GALNT14: variants seen among roughly 807,000 people sequenced by gnomAD.
GALNT14 encodes UDP-GalNAc:polypeptide N-acetylgalactosaminyltransferase 14.
GALNT14 carries 60 observed loss-of-function variants against 77.5 expected under a neutral mutation model. That is an observed-to-expected ratio of 0.77 (90% CI 0.63 to 0.96). The LOEUF (loss-of-function observed/expected upper bound fraction) is 0.96. GALNT14 is among the 40% of genes least tolerant of loss of function. The pLI is 0.00. For missense variants in GALNT14, 710 were observed against 731.0 expected, an observed-to-expected ratio of 0.97 and a Z score of 0.33; for synonymous variants, 280 against 281.7, an observed-to-expected ratio of 0.99 and a Z score of 0.06.
At chr2:30,902,615 C>T in the GALNT14 span, among the ~76,000 whole-genome samples, 5 of 152,136 alleles carry the variant, frequency 3.3e-5, no homozygotes, top group Admixed American at 3.3e-4. Context: ...TTGAGAAACA[C>T]CCAACACCAC....
At chr2:30,960,739 C>T (rs1292003829) in intron 3 of GALNT14, among the ~76,000 whole-genome samples, 1 of 152,248 alleles carries the variant, frequency 6.6e-6, no homozygotes, top group Admixed American at 6.5e-5. Flanking sequence ...CACCCACTCT[C>T]ATTCCCTCCA....
intron 1 of GALNT14, among the ~76,000 whole-genome samples, chr2:31,044,453 G>C (rs1025976594): frequency 1.3e-5 from 2 of 152,140 alleles, no homozygotes; most frequent in Non-Finnish European, 2.9e-5. Flanking sequence ...AGTGTCCTCT[G>C]TGCCTAGGAT....
At chr2:30,923,139 T>C (rs2148227871) in intron 13 of GALNT14, among the ~76,000 whole-genome samples, 1 of 146,116 alleles carries the variant, frequency 6.8e-6, no homozygotes, top group South Asian at 2.3e-4. Flanking sequence ...CTCGGCTCAC[T>C]GCAACCTCCG....
At chr2:30,918,482 G>A (rs1239976782) in intron 13 of GALNT14, among the ~76,000 whole-genome samples, 2 of 152,204 alleles carry the variant, frequency 1.3e-5, no homozygotes, top group African/African-American at 2.4e-5. Context: ...CTGTGTTCAC[G>A]ATGGTGACCA....
intron 9 of GALNT14, among the ~76,000 whole-genome samples, chr2:30,939,757 G>C (rs1666266556): frequency 6.6e-6 from 1 of 152,008 alleles, no homozygotes; most frequent in African/African-American, 2.4e-5. Context: ...TGGTGGGTAG[G>C]AGGCCCTTCC....
At chr2:30,895,187 A>T in the GALNT14 span, among the ~76,000 whole-genome samples, 12 of 152,164 alleles carry the variant, frequency 7.9e-5, no homozygotes, top group Non-Finnish European at 1.8e-4. Flanking sequence ...TTCAGGTTCA[A>T]TTTGACAAGC....
intron 12 of GALNT14, 95 bp downstream of exon 12, chr2:30,924,645 C>G: frequency 1.0e-6 from 1 of 997,080 alleles, no homozygotes; most frequent in East Asian, 2.5e-5. Context: ...TAAAAGCCCT[C>G]ATCCAGTTGG....
intron 1 of GALNT14, among the ~76,000 whole-genome samples, 173 bp downstream of exon 1, chr2:31,137,785 C>A (rs971111043): frequency 6.6e-6 from 1 of 152,162 alleles, no homozygotes; most frequent in Non-Finnish European, 1.5e-5. Context: ...GAGATGCCCC[C>A]GAGCGTTTTA....
intron 1 of GALNT14, among the ~76,000 whole-genome samples, chr2:31,092,042 C>T (rs1166390040): frequency 2.0e-5 from 3 of 152,128 alleles, no homozygotes; most frequent in African/African-American, 4.8e-5. Flanking sequence ...CCTCAAACAT[C>T]AGACTCTAAG....
At chr2:30,995,669 G>A (rs555614851) in intron 1 of GALNT14, among the ~76,000 whole-genome samples, 33 of 152,006 alleles carry the variant, frequency 2.2e-4, no homozygotes, top group Admixed American at 1.6e-3. Flanking sequence ...ATTTTTTTAC[G>A]TTTTATTTTT....
At chr2:30,906,916 C>T (rs1664159434), downstream of GALNT14, among the ~76,000 whole-genome samples, 1 of 152,170 alleles carries the variant, frequency 6.6e-6, no homozygotes, top group African/African-American at 2.4e-5. Context: ...CACTCAAAAC[C>T]ACGCAACTAC....
chr2:31,059,418 G>T (rs1415278702), intron 1 of GALNT14, among the ~76,000 whole-genome samples: 1 of 152,132 alleles, frequency 6.6e-6, no homozygotes, highest in African/African-American at 2.4e-5. Context: ...TGAACACTAT[G>T]ATCTGAACAT....
chr2:31,129,534 C>T (rs760326787), intron 1 of GALNT14: 14 of 985,248 alleles, frequency 1.4e-5, no homozygotes, highest in Non-Finnish European at 1.7e-5. Flanking sequence ...TATCTGGGTG[C>T]CTTAATTAAT....
intron 1 of GALNT14, among the ~76,000 whole-genome samples, chr2:31,031,456 C>T (rs1376171917): frequency 6.6e-6 from 1 of 152,142 alleles, no homozygotes; most frequent in Non-Finnish European, 1.5e-5. Flanking sequence ...TATCTAGGCT[C>T]ACTAAGATGA....
intron 1 of GALNT14, among the ~76,000 whole-genome samples, chr2:31,040,777 G>A (rs886979670): frequency 2.0e-5 from 3 of 152,162 alleles, no homozygotes; most frequent in Non-Finnish European, 4.4e-5. Context: ...GTGGAAGCTT[G>A]GCACTGACTA....
chr2:31,094,117 T>G lies in GALNT14; in HGVS notation c.129+43841A>C, dbSNP rs189116564. ...TGAAAATAGCCTTAACTGATGACAT[T>G]CCACCATTGTGATTTGTTTCTGCCC... On this transcript the variant is annotated intron_variant, in intron 1 of 14. Transcript: ENST00000349752. 1.9e-3 allele frequency among the ~76,000 whole-genome samples: 286 copies of G among 152,350 alleles called. 4 individuals are homozygous for G. Among genetic ancestry groups the G allele is most frequent in the African/African-American group, 6.5e-3 (272 of 41,586 alleles).
intron 2 of GALNT14, among the ~76,000 whole-genome samples, chr2:30,978,103 T>C (rs902482769): frequency 7.9e-5 from 12 of 152,206 alleles, no homozygotes; most frequent in African/African-American, 2.9e-4. Flanking sequence ...TTCAGCACCC[T>C]GCCCCCACAT....
At chr2:31,038,081 TA>T (rs1672861967) in intron 1 of GALNT14, among the ~76,000 whole-genome samples, 2 of 83,940 alleles carry the variant, frequency 2.4e-5, no homozygotes, top group African/African-American at 5.7e-5. Context: ...TATATATATA[TA>T]TATTTTTTTT....
At chr2:31,120,236 T>C (rs941348297) in intron 1 of GALNT14, among the ~76,000 whole-genome samples, 1 of 151,700 alleles carries the variant, frequency 6.6e-6, no homozygotes, top group African/African-American at 2.4e-5. Flanking sequence ...AAAGAGAAGA[T>C]GCAAAGTATA....
Sources: gnomAD v4.1 joint callset for allele counts (sites outside exome capture counted in the v4.1 genomes callset) on GRCh38, gnomAD v4.1.1 for gene constraint, MANE v1.5 for transcripts, NCBI Gene and HGNC (gene_info 2026-07-23, HGNC 2026-07-21) for gene names.